The following UBASH3A variants were observed in gnomAD, a reference collection of about 807,000 sequenced individuals.
UBASH3A encodes ubiquitin associated and SH3 domain containing A.
UBASH3A carries 63 observed loss-of-function variants against 73.5 expected under a neutral mutation model. The ratio of observed to expected loss-of-function variants is 0.86; its 90% CI spans 0.70 to 1.06. The LOEUF (loss-of-function observed/expected upper bound fraction) is 1.06, where lower values mean the gene tolerates loss of function less well. Ranked by LOEUF, UBASH3A falls within the 50% of genes least tolerant of loss-of-function variation. UBASH3A has a pLI of 0.00. For synonymous variants in UBASH3A, 363 were observed against 351.1 expected (o/e 1.03, Z -0.38); for missense variants, 860 against 859.0 (o/e 1.00, Z -0.02).
intron 13 of UBASH3A, 89 bp from the exon 14 acceptor site, chr21:42,444,445 C>T: frequency 2.0e-6 from 2 of 976,370 alleles, no homozygotes; most frequent in Non-Finnish European, 3.3e-6. Flanking sequence ...TCTGAGATAG[C>T]TCTGCCCCCC....
chr21:42,408,633 T>C (rs894754353), intron 2 of UBASH3A, among the ~76,000 whole-genome samples: 2 of 152,212 alleles, frequency 1.3e-5, no homozygotes, highest in African/African-American at 4.8e-5. Flanking sequence ...AAAATCTTTG[T>C]GAACTTGACA....
intron 8 of UBASH3A, among the ~76,000 whole-genome samples, chr21:42,430,837 G>T (rs2146567009): frequency 6.6e-6 from 1 of 152,314 alleles, no homozygotes; most frequent in Non-Finnish European, 1.5e-5. Context: ...CATGAGTCCT[G>T]GGTGCCAGAG....
chr21:42,409,740 T>C, intron 3 of UBASH3A, 132 bp downstream of exon 3: 1 of 756,196 alleles, frequency 1.3e-6, no homozygotes, highest in Non-Finnish European at 2.1e-6. Flanking sequence ...GCTGGCACCT[T>C]CATATGAGCT....
chr21:42,417,513 T>C (rs2053239013), intron 6 of UBASH3A: 1 of 152,180 alleles, frequency 6.6e-6, no homozygotes, highest in Admixed American at 6.5e-5. Context: ...TTTTTATTTA[T>C]TTATTTTTTA....
Position 42,444,517 on chromosome 21 carries a change from G to A in UBASH3A, c.1739-17G>A, listed in dbSNP as rs763673486. The stretch of plus-strand genomic sequence containing the variant: ...TCTGGGGCTGCTTTGACCTGGAGGT[G>A]TTCTTGTTTTCCACAGCGGGTGTCA... On this transcript the variant is annotated splice_polypyrimidine_tract_variant and intron_variant, in intron 13 of 14. Transcript: ENST00000319294. The A allele has an allele frequency of 1.2e-6, 2 of 1,601,532 alleles. No individual in the cohort carries two copies. Among genetic ancestry groups the A allele is most frequent in the Non-Finnish European group, 1.7e-6 (2 of 1,172,126 alleles).
chr21:42,406,428 T>A, intron 2 of UBASH3A, 67 bp downstream of exon 2: 1 of 1,366,086 alleles, frequency 7.3e-7, no homozygotes, highest in Non-Finnish European at 1.0e-6. Flanking sequence ...AAGGACTCCC[T>A]CCCACCAGGG....
rs984554779 is a variant in UBASH3A, at chr21:42,437,399, C to T, written c.1394-89C>T. ...TGGAAACCCGGGGCCCTTTGAGGAC[C>T]CTGCCTACCACAGGGAGCACATGGC... is the stretch of plus-strand genomic sequence containing the variant. On this transcript the variant is annotated intron_variant, in intron 10 of 14. Transcript: ENST00000319294. The T allele has an allele frequency of 1.9e-4, 235 of 1,258,396 alleles. 1 individual carries two copies. The highest frequency in any genetic ancestry group is 7.1e-5 in the Admixed American group (4 of 56,022). 78.0% of individuals were successfully genotyped at this position (1,258,396 alleles called of 1,614,324 possible). A position where few individuals can be genotyped will look rare whatever the true frequency, so the allele number is the denominator to read the frequency against.
chr21:42,410,192 C>T, intron 3 of UBASH3A: 1 of 701,326 alleles, frequency 1.4e-6, no homozygotes, highest in South Asian at 1.5e-5. Flanking sequence ...CAGCAGGCAG[C>T]TCTACAGGGG....
At chr21:42,414,517 C>T (rs966730086) in intron 5 of UBASH3A, among the ~76,000 whole-genome samples, 2 of 151,358 alleles carry the variant, frequency 1.3e-5, no homozygotes, top group South Asian at 4.2e-4. Context: ...AATGTTTGTC[C>T]ACCAGGAACT....
At chr21:42,409,698 T>C in intron 3 of UBASH3A, 90 bp downstream of exon 3, 1 of 1,207,316 alleles carries the variant, frequency 8.3e-7, no homozygotes, top group African/African-American at 1.5e-5. Context: ...AGTTGACTTA[T>C]TTAAATGGGA....
intron 8 of UBASH3A, among the ~76,000 whole-genome samples, chr21:42,430,069 G>A (rs1013293739): frequency 2.0e-4 from 31 of 152,126 alleles, no homozygotes; most frequent in Non-Finnish European, 3.5e-4. Context: ...GGAGCTGCCC[G>A]TGGTGCTGAC....
At chr21:42,439,679 GC>G (rs2053694580) in intron 11 of UBASH3A, among the ~76,000 whole-genome samples, 1 of 94,366 alleles carries the variant, frequency 1.1e-5, no homozygotes, top group African/African-American at 4.1e-5. Flanking sequence ...CACACCACAC[GC>G]CACACACACA....
chr21:42,408,290 A>G (rs926891391), intron 2 of UBASH3A, among the ~76,000 whole-genome samples: 4 of 152,256 alleles, frequency 2.6e-5, no homozygotes, highest in Non-Finnish European at 5.9e-5. Context: ...AAATTCTTCC[A>G]AACCATGATT....
At chr21:42,439,735 A>G (rs1296727010) in intron 11 of UBASH3A, among the ~76,000 whole-genome samples, 1 of 142,786 alleles carries the variant, frequency 7.0e-6, no homozygotes, top group Non-Finnish European at 1.5e-5. Flanking sequence ...CACACCACAC[A>G]CACCCACACA....
At chr21:42,439,387 A>C in intron 11 of UBASH3A, among the ~76,000 whole-genome samples, 8 of 152,186 alleles carry the variant, frequency 5.3e-5, no homozygotes, top group African/African-American at 1.9e-4. Flanking sequence ...TCGGGTCACA[A>C]GACAGAAATG....
chr21:42,443,162 A>G, intron 12 of UBASH3A, 150 bp from the exon 13 acceptor site: 2 of 1,399,800 alleles, frequency 1.4e-6, no homozygotes, highest in Non-Finnish European at 1.9e-6. Context: ...AGTTTTCAGC[A>G]CAAAACTGGA....
At chr21:42,431,483 C>T (rs1055938792) in intron 8 of UBASH3A, among the ~76,000 whole-genome samples, 6 of 152,330 alleles carry the variant, frequency 3.9e-5, no homozygotes, top group Admixed American at 6.5e-5. Flanking sequence ...AGTCTCATGC[C>T]GAGAAGAAGT....
At chr21:42,409,635 G>A (rs1320249696) in intron 3 of UBASH3A, 27 bp downstream of exon 3, 1 of 1,585,756 alleles carries the variant, frequency 6.3e-7, no homozygotes, top group Non-Finnish European at 8.6e-7. Context: ...TGCCTTCAAT[G>A]CTCACGGCAG....
intron 12 of UBASH3A, chr21:42,443,070 C>T (rs925384317): frequency 7.6e-5 from 96 of 1,262,650 alleles, no homozygotes; most frequent in Middle Eastern, 2.6e-4. Flanking sequence ...TCATTCTCCA[C>T]CCATGTCTGA....
Sources: allele counts gnomAD v4.1 joint callset (sites outside exome capture counted in the v4.1 genomes callset), GRCh38; gene constraint gnomAD v4.1.1; transcripts MANE v1.5; gene names NCBI Gene and HGNC (gene_info 2026-07-23, HGNC 2026-07-21).